Variants in RDH5 observed in about 807,000 individuals in gnomAD.
RDH5 encodes the protein retinol dehydrogenase 5, also known as 11-cis RDH.
RDH5 carries 25 observed loss-of-function variants against 24.0 expected under a neutral mutation model. The observed-to-expected ratio is 1.04, with a 90% CI of 0.76 to 1.46. The LOEUF is 1.46. RDH5 is among the 40% of genes most tolerant of loss of function. The probability of loss-of-function intolerance (pLI) is 0.00; values close to 1 mark genes in which losing one functional copy is unlikely to be tolerated. For synonymous variants in RDH5, 170 were observed against 175.2 expected (o/e 0.97, Z 0.23); for missense variants, 369 against 410.3 (o/e 0.90, Z 0.87).
At chr12:55,722,070 C>T (rs1477550666) in intron 3 of RDH5, 123 bp downstream of exon 3, 2 of 974,310 alleles carry the variant, frequency 2.1e-6, no homozygotes, top group Admixed American at 2.8e-5. Flanking sequence ...TAGGGCTAGA[C>T]TTCATGGGTT....
rs765110211 is a variant in RDH5 at position 55,724,327 on chromosome 12, A to C, written c.739A>C (p.Lys247Gln). 2 of 1,614,190 alleles carry C rather than the reference A, an allele frequency of 1.2e-6. No homozygotes were observed. The highest frequency in any genetic ancestry group is 3.3e-5 in the Admixed American group (2 of 60,026). Residue 247 changes from lysine to glutamine, a missense_variant, in exon 5 of 5, where the codon AAA becomes CAA. By Grantham distance (53) the Lys-to-Gln change is moderately conservative. Transcript: ENST00000257895. ...YGGAFLTKYLKMQQRIMNLIC... is the reference protein window; with the variant it reads ...YGGAFLTKYLQMQQRIMNLIC... Reference sequence around the variant, plus strand: ...AACCACCTATGGGGCTGCAGACCTGAAAATGCAACAGCGCATCATGAACCT... The same window carrying C: ...AACCACCTATGGGGCTGCAGACCTGCAAATGCAACAGCGCATCATGAACCT...
rs551729684 is a variant in RDH5, at chr12:55,721,850, G to A, written c.472G>A (p.Val158Met). The change falls in exon 3 of 5, where the codon GTG becomes ATG. Residue 158 changes from valine to methionine, a missense_variant. Physicochemically the swap from Val to Met is conservative, Grantham distance 21. Transcript: ENST00000257895. The surrounding 1 kb of genome is among the most constrained non-coding windows in gnomAD (Gnocchi z 4.7). ...TCTGCTGCAGCAAGCCCGGGGCCGG[G>A]TGATCAACATCACCAGCGTCCTGGG... ...LPLLQQARGR[V>M]INITSVLGRL... The A allele has an allele frequency of 1.9e-6, 3 of 1,614,060 alleles. No homozygotes were observed. Among genetic ancestry groups the A allele is most frequent in the East Asian group, 4.5e-5 (2 of 44,864 alleles).
At position 55,721,085 on chromosome 12, in the gene RDH5, A is replaced by C; in HGVS notation, c.-32-68A>C. ...ATGCTCACACCAGATGCTTCCAGCT[A>C]GGGAGGGTATTAGGGGAAAGGGCTT... On this transcript the variant is annotated intron_variant, in intron 1 of 4. Transcript: ENST00000257895. This position sits in a 1 kb window ranked among gnomAD's most constrained non-coding sequence, Gnocchi z 4.7. 9.8e-7 allele frequency: 1 copy of C among 1,023,264 alleles called. No individual in the cohort carries two copies. Among genetic ancestry groups the C allele is most frequent in the Non-Finnish European group, 1.5e-6 (1 of 646,340 alleles). The allele number at this position is 1,023,264 out of a possible 1,614,324, so 63.4% of individuals were successfully genotyped here. A position where few individuals can be genotyped will look rare whatever the true frequency, so the allele number is the denominator to read the frequency against.
intron 3 of RDH5, 60 bp downstream of exon 3, chr12:55,722,007 C>T: frequency 6.4e-7 from 1 of 1,564,716 alleles, no homozygotes; most frequent in Non-Finnish European, 8.7e-7. Flanking sequence ...CAAACGTGGG[C>T]CAGCAGAGGT....
At position 55,724,645 on chromosome 12, in the gene RDH5, C is replaced by G; in HGVS notation, c.*100C>G. ...CCTGGTGCCTGCCACAAAATAAGCACTAACAAAAGTGTATTGTTTAAAAAA... is the reference window on the plus strand; with the variant it reads ...CCTGGTGCCTGCCACAAAATAAGCAGTAACAAAAGTGTATTGTTTAAAAAA... On this transcript the variant is annotated 3_prime_UTR_variant, in exon 5 of 5. Transcript: ENST00000257895. 9.4e-7 allele frequency: 1 copy of G among 1,065,278 alleles called. No homozygotes were observed. Among genetic ancestry groups the G allele is most frequent in the East Asian group, 2.5e-5 (1 of 39,918 alleles). 66.0% of individuals were successfully genotyped at this position (1,065,278 alleles called of 1,614,324 possible). A position where few individuals can be genotyped will look rare whatever the true frequency, so the allele number is the denominator to read the frequency against.
chr12:55,724,448 C>T lies in RDH5; in HGVS notation c.860C>T (p.Ala287Val), dbSNP rs904803617. 1.9e-6 allele frequency: 3 copies of T among 1,614,002 alleles called. No individual in the cohort carries two copies. Among genetic ancestry groups the T allele is most frequent in the Admixed American group, 3.3e-5 (2 of 60,004 alleles). Residue 287 changes from alanine to valine, a missense_variant, in exon 5 of 5, where the codon GCC becomes GTC. Ala to Val is a moderately conservative substitution (Grantham distance 64, BLOSUM62 0). Coordinates refer to ENST00000257895, the MANE Select transcript of RDH5 (RefSeq NM_002905.5). Reference protein sequence around the residue: ...PRTRYSPGWDAKLLWLPASYL... With the variant: ...PRTRYSPGWDVKLLWLPASYL... ...ACCCGCTACAGCCCAGGTTGGGATG[C>T]CAAGCTGCTCTGGCTGCCTGCCTCC...
intron 4 of RDH5, 34 bp from the exon 5 acceptor site, chr12:55,724,288 G>A (rs1351577584): frequency 1.2e-6 from 2 of 1,610,860 alleles, no homozygotes; most frequent in South Asian, 1.1e-5. Context: ...GAGTGAGGAA[G>A]GGAAACTGAT....
chr12:55,721,953 G>C lies in RDH5; in HGVS notation c.569+6G>C. ...GCCTTCTCTGACAGCCTGAGGTGAG[G>C]GGTACAGGGCTCTGGGTTCCAGGAC... is the stretch of plus-strand genomic sequence containing the variant. On this transcript the variant is annotated splice_donor_region_variant and intron_variant, in intron 3 of 4. Transcript: ENST00000257895. The surrounding 1 kb of genome is among the most constrained non-coding windows in gnomAD (Gnocchi z 4.7). 6.2e-7 allele frequency: 1 copy of C among 1,612,490 alleles called. No individual in the cohort carries two copies. The highest frequency in any genetic ancestry group is 8.5e-7 in the Non-Finnish European group (1 of 1,179,620).
At position 55,721,266 on chromosome 12, in the gene RDH5, A is replaced by C; in HGVS notation, c.82A>C (p.Asn28His). ...LRDRQSLPAS[N>H]AFVFITGCDS... ...GGACCGGCAGAGCCTGCCCGCCAGC[A>C]ATGCCTTTGTCTTCATCACCGGCTG... The change falls in exon 2 of 5, where the codon AAT (asparagine) becomes CAT (histidine). Residue 28 changes from asparagine (N) to histidine (H), a missense_variant. By Grantham distance (68) the Asn-to-His change is moderately conservative (BLOSUM62 1). Transcript: ENST00000257895. The surrounding 1 kb of genome is among the most constrained non-coding windows in gnomAD (Gnocchi z 4.7). 6.2e-7 allele frequency: 1 copy of C among 1,614,088 alleles called. No homozygotes were observed. The highest frequency in any genetic ancestry group is 1.7e-5 in the Admixed American group (1 of 60,026).
rs769939704 is a variant in RDH5 at position 55,721,445 on chromosome 12, G to A, written c.261G>A (p.Gln87=). 6.2e-7 allele frequency: 1 copy of A among 1,613,032 alleles called. No individual in the cohort carries two copies. Among genetic ancestry groups the A allele is most frequent in the South Asian group, 1.1e-5 (1 of 91,080 alleles). Residue 87 remains glutamine, a synonymous_variant, in exon 2 of 5, where the codon CAG becomes CAA. Coordinates refer to ENST00000257895, the MANE Select transcript of RDH5 (RefSeq NM_002905.5). This position sits in a 1 kb window ranked among gnomAD's most constrained non-coding sequence, Gnocchi z 4.7. The part of the protein sequence containing the change: ...HTTLLDITDP[Q]SVQQAAKWVE... The stretch of plus-strand genomic sequence containing the variant: ...CCCTGTTGGATATCACTGATCCCCA[G>A]AGCGTCCAGCAGGCAGCCAAGTGGG...
chr12:55,720,911 C>T, intron 1 of RDH5: 1 of 413,516 alleles, frequency 2.4e-6, no homozygotes, highest in Non-Finnish European at 4.3e-6. Context: ...AAAAAAGATG[C>T]CTCTGCTCCA....
In RDH5 at chr12:55,724,069, CAG is replaced by C. The variant is rs1372500742; in HGVS notation, c.733+21_733+22del. ...CCAAGTGTGAGTAGCCAGGCCCACA[CAG>C]GGGCACATGAAGGGAAACAAGTACC... On this transcript the variant is annotated intron_variant, in intron 4 of 4. Coordinates refer to ENST00000257895, the MANE Select transcript of RDH5 (RefSeq NM_002905.5). The C allele has an allele frequency of 1.9e-6, 3 of 1,603,842 alleles. No individual in the cohort carries two copies. The highest frequency in any genetic ancestry group is 1.3e-5 in the African/African-American group (1 of 74,894).
chr12:55,724,085 GA>G, intron 4 of RDH5, 36 bp downstream of exon 4: 2 of 1,597,336 alleles, frequency 1.3e-6, no homozygotes, highest in African/African-American at 1.3e-5. Context: ...CACATGAAGG[GA>G]AACAAGTACC....
chr12:55,722,092 A>AC, intron 3 of RDH5, 145 bp downstream of exon 3: 1 of 751,210 alleles, frequency 1.3e-6, no homozygotes, highest in Non-Finnish European at 2.1e-6. Context: ...AATGAAGTCT[A>AC]CCCTTATGTA....
At position 55,723,942 on chromosome 12, in the gene RDH5, G is replaced by A. The variant is rs767507240; in HGVS notation, c.626G>A (p.Arg209Gln). The change falls in exon 4 of 5, where the codon CGA becomes CAA. Residue 209 changes from arginine to glutamine, a missense_variant. Transcript: ENST00000257895. ...TCCATCGTGGAGCCTGGCTTCTTCCGAACCCCTGTGACCAACCTGGAGAGT... is the reference window on the plus strand; with the variant it reads ...TCCATCGTGGAGCCTGGCTTCTTCCAAACCCCTGTGACCAACCTGGAGAGT... The part of the protein sequence containing the change: ...RVSIVEPGFF[R>Q]TPVTNLESLE... 3.2e-5 allele frequency: 52 copies of A among 1,613,998 alleles called. No individual in the cohort carries two copies. Among genetic ancestry groups the A allele is most frequent in the Non-Finnish European group, 3.9e-5 (46 of 1,180,042 alleles).
Position 55,724,566 on chromosome 12 carries a change from A to C in RDH5, c.*21A>C, listed in dbSNP as rs1208196098. 1.9e-6 allele frequency: 3 copies of C among 1,601,894 alleles called. No homozygotes were observed. Among genetic ancestry groups the C allele is most frequent in the South Asian group, 1.1e-5 (1 of 90,974 alleles). ...ACTGAATCCAGCCTTCCAGCAAGAG[A>C]TTGTTTTTCAAGGACAAGGACTTTG... On this transcript the variant is annotated 3_prime_UTR_variant, in exon 5 of 5. Coordinates refer to ENST00000257895, the MANE Select transcript of RDH5 (RefSeq NM_002905.5).
chr12:55,724,346 T>C lies in RDH5; in HGVS notation c.758T>C (p.Met253Thr). ...GACCTGAAAATGCAACAGCGCATCA[T>C]GAACCTGATCTGTGACCCGGACCTA... is the stretch of plus-strand genomic sequence containing the variant. Reference protein sequence around the residue: ...TKYLKMQQRIMNLICDPDLTK... With the variant: ...TKYLKMQQRITNLICDPDLTK... The change falls in exon 5 of 5, where the codon ATG (methionine) becomes ACG (threonine). Residue 253 changes from methionine to threonine, a missense_variant. Met to Thr is a moderately conservative substitution (Grantham distance 81). Transcript: ENST00000257895. 1.2e-6 allele frequency: 2 copies of C among 1,614,196 alleles called. No individual in the cohort carries two copies. The highest frequency in any genetic ancestry group is 1.1e-5 in the South Asian group (1 of 91,088).
chr12:55,724,541 A>G lies in RDH5; in HGVS notation c.953A>G (p.Tyr318Cys), dbSNP rs753281982. 66 of 1,610,548 alleles carry G rather than the reference A, an allele frequency of 4.1e-5. No individual in the cohort carries two copies. The highest frequency in any genetic ancestry group is 5.4e-5 in the Non-Finnish European group (64 of 1,179,828). The change falls in exon 5 of 5, where the codon TAC (tyrosine) becomes TGC (cysteine). Residue 318 changes from tyrosine to cysteine, a missense_variant. Coordinates refer to ENST00000257895, the MANE Select transcript of RDH5 (RefSeq NM_002905.5). ...WVLPKPAQAV[Y>C] ...CTTCCCAAGCCTGCCCAAGCAGTCT[A>G]CTGAATCCAGCCTTCCAGCAAGAGA...
At position 55,721,752 on chromosome 12, in the gene RDH5, C is replaced by T. The variant is rs1422930987; in HGVS notation, c.374C>T (p.Thr125Ile). ...AGIIGPTPWL[T>I]RDDFQRVLNV... ...ATCATCGGACCCACACCATGGCTGACCCGGGACGATTTCCAGCGGGTGCTG... is the reference window on the plus strand; with the variant it reads ...ATCATCGGACCCACACCATGGCTGATCCGGGACGATTTCCAGCGGGTGCTG... Residue 125 changes from threonine (T) to isoleucine (I), a missense_variant, in exon 3 of 5, where the codon ACC becomes ATC. Transcript: ENST00000257895. This position sits in a 1 kb window ranked among gnomAD's most constrained non-coding sequence, Gnocchi z 4.7. 6.2e-7 allele frequency: 1 copy of T among 1,613,818 alleles called. No homozygotes were observed. The highest frequency in any genetic ancestry group is 8.5e-7 in the Non-Finnish European group (1 of 1,180,032).
Sources: gnomAD v4.1 joint callset for allele counts on GRCh38, gnomAD v4.1.1 for gene constraint, Gnocchi (gnomAD v3.1) non-coding constraint, MANE v1.5 for transcripts, NCBI Gene and HGNC (gene_info 2026-07-23, HGNC 2026-07-21) for gene names.